Variants in SLC16A10 observed in about 807,000 individuals in gnomAD.
SLC16A10 encodes solute carrier family 16 member 10, also known as monocarboxylate transporter 10.
SLC16A10 carries 27 observed loss-of-function variants against 40.0 expected under a neutral mutation model. That is an observed-to-expected ratio of 0.67 (90% CI 0.50 to 0.93). The LOEUF (loss-of-function observed/expected upper bound fraction) is 0.93. SLC16A10 is among the 40% of genes least tolerant of loss of function. The pLI is 0.00. For synonymous variants in SLC16A10, 213 were observed against 249.8 expected (o/e 0.85, Z 1.39); for missense variants, 529 against 658.2 (o/e 0.80, Z 2.15).
chr6:111,122,025 C>T lies in SLC16A10; in HGVS notation c.343+33930C>T, dbSNP rs192963350. 9.6e-3 allele frequency among the ~76,000 whole-genome samples: 1,462 copies of T among 152,270 alleles called. 6 individuals carry two copies. The highest frequency in any genetic ancestry group is 0.017 in the African/African-American group (709 of 41,536). On this transcript the variant is annotated intron_variant, in intron 1 of 5. Coordinates refer to ENST00000368851, the MANE Select transcript of SLC16A10 (RefSeq NM_018593.5). ...CCCCTACCCCGTGTTCACTGTTGCCCTCACCTTGGGTGATGACTGGGTCAC... is the reference window on the plus strand; with the variant it reads ...CCCCTACCCCGTGTTCACTGTTGCCTTCACCTTGGGTGATGACTGGGTCAC...
At chr6:111,158,368 A>T (rs142427598) in intron 1 of SLC16A10, among the ~76,000 whole-genome samples, 2,395 of 152,216 alleles carry the variant, frequency 0.016, 29 homozygotes, top group Admixed American at 0.033. Context: ...GACTGGTTTC[A>T]TGGAGGACAA....
chr6:111,192,592 T>C (rs983804219), intron 3 of SLC16A10, among the ~76,000 whole-genome samples: 1 of 152,136 alleles, frequency 6.6e-6, no homozygotes, highest in African/African-American at 2.4e-5. Flanking sequence ...CAGTACCAAT[T>C]TACTGTATTA....
In SLC16A10 at chr6:111,218,875, G is replaced by T. The variant is rs773230210; in HGVS notation, c.1148G>T (p.Gly383Val). Reference sequence around the variant, plus strand: ...ATGATTCCTCTGTGTAGCATCTTTGGGGCCCTCATTGCTGTGTGCCTCATC... The same window carrying T: ...ATGATTCCTCTGTGTAGCATCTTTGTGGCCCTCATTGCTGTGTGCCTCATC... Reference protein sequence around the residue: ...SMMIPLCSIFGALIAVCLIMG... With the variant: ...SMMIPLCSIFVALIAVCLIMG... The change falls in exon 5 of 6, where the codon GGG becomes GTG. Residue 383 changes from glycine (G) to valine (V), a missense_variant. Physicochemically the swap from Gly to Val is moderately radical, Grantham distance 109. Coordinates refer to ENST00000368851, the MANE Select transcript of SLC16A10 (RefSeq NM_018593.5). The T allele has an allele frequency of 8.1e-6, 13 of 1,614,008 alleles. No individual in the cohort carries two copies. Among genetic ancestry groups the T allele is most frequent in the Non-Finnish European group, 1.1e-5 (13 of 1,180,018 alleles).
At chr6:111,209,950 G>A (rs764136485) in intron 4 of SLC16A10, among the ~76,000 whole-genome samples, 16 of 152,234 alleles carry the variant, frequency 1.1e-4, no homozygotes, top group Non-Finnish European at 2.1e-4. Context: ...CCACAAGGGG[G>A]GGTCTTAGGT....
chr6:111,121,248 C>A (rs1408772354), intron 1 of SLC16A10, among the ~76,000 whole-genome samples: 3 of 152,324 alleles, frequency 2.0e-5, no homozygotes, highest in African/African-American at 7.2e-5. Flanking sequence ...TAGTCCAGTT[C>A]ATTGGCAGCA....
At chr6:111,214,327 C>CA (rs1308317617) in intron 4 of SLC16A10, among the ~76,000 whole-genome samples, 1 of 152,160 alleles carries the variant, frequency 6.6e-6, no homozygotes, top group African/African-American at 2.4e-5. Flanking sequence ...TGTTTGAGAG[C>CA]AAGTTTTAAA....
chr6:111,090,911 G>A (rs1199525174), intron 1 of SLC16A10, among the ~76,000 whole-genome samples: 1 of 152,120 alleles, frequency 6.6e-6, no homozygotes, highest in African/African-American at 2.4e-5. Context: ...CTGTCTCCTT[G>A]TTTCCATTAC....
chr6:111,205,600 AGTAG>A (rs1773241534), intron 3 of SLC16A10, among the ~76,000 whole-genome samples: 1 of 152,234 alleles, frequency 6.6e-6, no homozygotes, highest in Non-Finnish European at 1.5e-5. Flanking sequence ...CAATTTCTGA[AGTAG>A]GTACTTTTCC....
At chr6:111,097,838 T>C (rs1278384617) in intron 1 of SLC16A10, among the ~76,000 whole-genome samples, 1 of 152,180 alleles carries the variant, frequency 6.6e-6, no homozygotes, top group East Asian at 1.9e-4. Context: ...CAATTAAAGG[T>C]ATCCTTTAGA....
chr6:111,198,299 C>G (rs1773112802), intron 3 of SLC16A10, among the ~76,000 whole-genome samples: 1 of 152,116 alleles, frequency 6.6e-6, no homozygotes, highest in South Asian at 2.1e-4. Flanking sequence ...AAAAGAGAAG[C>G]CTATATTAAA....
At chr6:111,088,548 C>A (rs1050749536) in intron 1 of SLC16A10, among the ~76,000 whole-genome samples, 3 of 151,950 alleles carry the variant, frequency 2.0e-5, no homozygotes, top group African/African-American at 7.3e-5. Flanking sequence ...CGTATGTTGG[C>A]GGGGCGGGGG....
At chr6:111,193,441 G>T (rs1484640258) in intron 3 of SLC16A10, 1 of 454,526 alleles carries the variant, frequency 2.2e-6, no homozygotes, top group African/African-American at 2.1e-5. Flanking sequence ...ACTCATTCAT[G>T]GGGACATTTA....
At chr6:111,211,921 C>T (rs770060707) in intron 4 of SLC16A10, among the ~76,000 whole-genome samples, 3 of 152,200 alleles carry the variant, frequency 2.0e-5, no homozygotes, top group Non-Finnish European at 4.4e-5. Flanking sequence ...GGCTTACCTT[C>T]TTTCCATTCA....
rs1396458457 is a variant in SLC16A10, at chr6:111,202,811, C to T, written c.943-3781C>T. Among the ~76,000 whole-genome samples, 6 of 142,940 alleles carry T rather than the reference C, an allele frequency of 4.2e-5. No homozygotes were observed. In the Admixed American group the frequency reaches 4.4e-4, roughly 10 times the overall value. 93.8% of individuals were successfully genotyped at this position (142,940 alleles called of 152,430 possible). Reference sequence around the variant, plus strand: ...CTGAGGCAGGGGAATTGCTTGAATCCGGGAGGCGGAGGTTGCAGTGAGCTG... The same window carrying T: ...CTGAGGCAGGGGAATTGCTTGAATCTGGGAGGCGGAGGTTGCAGTGAGCTG... On this transcript the variant is annotated intron_variant, in intron 3 of 5. Coordinates refer to ENST00000368851, the MANE Select transcript of SLC16A10 (RefSeq NM_018593.5).
At chr6:111,174,989 A>G (rs1192699341) in intron 2 of SLC16A10, among the ~76,000 whole-genome samples, 1 of 152,202 alleles carries the variant, frequency 6.6e-6, no homozygotes, top group Non-Finnish European at 1.5e-5. Context: ...CATATATTCT[A>G]TTAAATTTCG....
At chr6:111,112,595 T>C (rs370315285) in intron 1 of SLC16A10, among the ~76,000 whole-genome samples, 9 of 152,228 alleles carry the variant, frequency 5.9e-5, no homozygotes, top group Non-Finnish European at 7.3e-5. Flanking sequence ...GAAGAATTTA[T>C]TTCAGTTTAA....
intron 1 of SLC16A10, among the ~76,000 whole-genome samples, chr6:111,126,091 A>G (rs1320099150): frequency 6.6e-6 from 1 of 152,244 alleles, no homozygotes; most frequent in Non-Finnish European, 1.5e-5. Flanking sequence ...CATAAATGTC[A>G]GATTTATAAT....
At chr6:111,103,782 T>C (rs745528182) in intron 1 of SLC16A10, among the ~76,000 whole-genome samples, 1 of 152,184 alleles carries the variant, frequency 6.6e-6, no homozygotes, top group Non-Finnish European at 1.5e-5. Context: ...TCTCAGCATA[T>C]CTAACAGAAG....
intron 1 of SLC16A10, among the ~76,000 whole-genome samples, chr6:111,126,915 G>T (rs1244915601): frequency 6.6e-6 from 1 of 152,200 alleles, no homozygotes; most frequent in Non-Finnish European, 1.5e-5. Context: ...TTATAGGATT[G>T]TTGGGTAGCT....
Sources: gnomAD v4.1 joint callset for allele counts (sites outside exome capture counted in the v4.1 genomes callset) on GRCh38, gnomAD v4.1.1 for gene constraint, MANE v1.5 for transcripts, NCBI Gene and HGNC (gene_info 2026-07-23, HGNC 2026-07-21) for gene names.